CCDC50: variants seen among roughly 807,000 people sequenced by gnomAD.
CCDC50 encodes the protein coiled-coil domain containing 50.
Under a neutral mutation model 70.2 loss-of-function variants are expected in CCDC50, and 54 were observed. That is an observed-to-expected ratio of 0.77 (90% CI 0.62 to 0.96). CCDC50 has a LOEUF of 0.96. Among genes scored for constraint, CCDC50 ranks in the 50% least tolerant of loss-of-function variants. The pLI, the probability that CCDC50 is intolerant of heterozygous loss-of-function variation, is 0.00. For synonymous variants in CCDC50, 216 were observed against 198.8 expected (o/e 1.09, Z -0.73); for missense variants, 558 against 578.7 (o/e 0.96, Z 0.37).
chr3:191,330,525 A>G (rs1382558574), intron 1 of CCDC50: 1 of 152,020 alleles, frequency 6.6e-6, no homozygotes, highest in African/African-American at 2.4e-5. Context: ...GGATCGCCTT[A>G]TGCCTTGAGT....
rs1385017379 is a variant in CCDC50, at chr3:191,394,509, A to C, written c.*2749A>C. 3 of 152,130 alleles carry C rather than the reference A, an allele frequency of 2.0e-5. No homozygotes were observed. Among genetic ancestry groups the C allele is most frequent in the African/African-American group, 7.2e-5 (3 of 41,444 alleles). 9.4% of individuals were successfully genotyped at this position (152,130 alleles called of 1,614,324 possible). A position where few individuals can be genotyped will look rare whatever the true frequency, so the allele number is the denominator to read the frequency against. On this transcript the variant is annotated 3_prime_UTR_variant, in exon 12 of 12. Transcript: ENST00000392455. ...GTTGTTGTTCCTGCTGCTAGAACAC[A>C]TGCAGTTTAATTTTTAGGCCCACAG...
At chr3:191,374,283 A>G (rs1435059) in intron 5 of CCDC50, among the ~76,000 whole-genome samples, 82,444 of 152,004 alleles carry the variant, frequency 0.54, 23,256 homozygotes, top group East Asian at 0.7. Context: ...ATTTTTCTAC[A>G]AAGAATACAA....
intron 1 of CCDC50, among the ~76,000 whole-genome samples, chr3:191,339,989 C>G (rs143558297): frequency 6.6e-6 from 1 of 152,250 alleles, no homozygotes; most frequent in East Asian, 1.9e-4. Context: ...TGAAAGTTAG[C>G]ATGGCAATTA....
chr3:191,339,338 C>G (rs1711630482), intron 1 of CCDC50, among the ~76,000 whole-genome samples: 1 of 152,110 alleles, frequency 6.6e-6, no homozygotes, highest in Non-Finnish European at 1.5e-5. Context: ...CAAATGTATC[C>G]TTCAAGGGAG....
rs548676868 is a variant in CCDC50 at position 191,359,341 on chromosome 3, G to A, written c.239+1217G>A. ...GGAATCAATCTCACGTTAGCTGCAAGAAGTTCAGTGTTGCTGGAGTGGAGA... is the reference window on the plus strand; with the variant it reads ...GGAATCAATCTCACGTTAGCTGCAAAAAGTTCAGTGTTGCTGGAGTGGAGA... On this transcript the variant is annotated intron_variant, in intron 3 of 11. Coordinates refer to ENST00000392455, the MANE Select transcript of CCDC50 (RefSeq NM_178335.3). Among the ~76,000 whole-genome samples, 23 of 152,320 alleles carry A rather than the reference G, an allele frequency of 1.5e-4. No homozygotes were observed. The East Asian group carries it at 4.2e-3, about 28-fold the overall frequency.
rs113570154 is a variant in CCDC50 at position 191,344,571 on chromosome 3, TTTTG to T, written c.50-12497_50-12494del. On this transcript the variant is annotated intron_variant, in intron 1 of 11. Coordinates refer to ENST00000392455, the MANE Select transcript of CCDC50 (RefSeq NM_178335.3). ...GGTTCAGCTTAAGGATGTCATTTCC[TTTTG>T]TTTGTTTGTTTGTTTGTTTTGGAGA... Among the ~76,000 whole-genome samples, 1,273 of 152,210 alleles carry T rather than the reference TTTTG, an allele frequency of 8.4e-3. 13 individuals carry two copies. Among genetic ancestry groups the T allele is most frequent in the Middle Eastern group, 0.034 (10 of 294 alleles).
intron 1 of CCDC50, among the ~76,000 whole-genome samples, chr3:191,347,961 T>TA (rs879675637): frequency 7.0e-6 from 1 of 142,490 alleles, no homozygotes; most frequent in Non-Finnish European, 1.6e-5. Context: ...GGCACTGGGA[T>TA]AAATGTTGGA....
intron 9 of CCDC50, among the ~76,000 whole-genome samples, chr3:191,381,972 T>C (rs371604094): frequency 1.3e-5 from 2 of 152,162 alleles, no homozygotes; most frequent in Admixed American, 1.3e-4. Flanking sequence ...GAATGTATTA[T>C]TCTCATATTA....
At position 191,391,405 on chromosome 3, in the gene CCDC50, T is replaced by C. The variant is rs998424886; in HGVS notation, c.1430-336T>C. Among the ~76,000 whole-genome samples the C allele has an allele frequency of 3.9e-5, 6 of 152,050 alleles. No homozygotes were observed. The South Asian group carries it at 1.0e-3, about 26-fold the overall frequency. On this transcript the variant is annotated intron_variant, in intron 11 of 11. Coordinates refer to ENST00000392455, the MANE Select transcript of CCDC50 (RefSeq NM_178335.3). Reference sequence around the variant, plus strand: ...AAAAGGCATTATTTTAAAAGTAAGGTTAGTTGGACATTATAAACATCTTCA... The same window carrying C: ...AAAAGGCATTATTTTAAAAGTAAGGCTAGTTGGACATTATAAACATCTTCA...
intron 10 of CCDC50, among the ~76,000 whole-genome samples, chr3:191,387,432 A>G (rs1713534595): frequency 6.6e-6 from 1 of 152,178 alleles, no homozygotes; most frequent in Non-Finnish European, 1.5e-5. Context: ...TAACTTGGAT[A>G]TATATGCTGT....
At chr3:191,385,843 G>A (rs1464192289) in intron 10 of CCDC50, among the ~76,000 whole-genome samples, 1 of 152,018 alleles carries the variant, frequency 6.6e-6, no homozygotes, top group East Asian at 1.9e-4. Flanking sequence ...TCTGCATATG[G>A]TCAGCCAGTT....
intron 5 of CCDC50, 40 bp downstream of exon 5, chr3:191,370,076 T>G: frequency 7.2e-7 from 1 of 1,389,998 alleles, no homozygotes; most frequent in Non-Finnish European, 1.0e-6. Context: ...ATCCTTAGAC[T>G]CAACCATAAA....
chr3:191,345,748 AT>A lies in CCDC50; in HGVS notation c.50-11339del, dbSNP rs749178353. The stretch of plus-strand genomic sequence containing the variant: ...TGAATTTAGGGGATTAGAAAAAAAA[AT>A]AACTCAGGAACATACTTTGATAAAT... On this transcript the variant is annotated intron_variant, in intron 1 of 11. Transcript: ENST00000392455. Among the ~76,000 whole-genome samples the A allele has an allele frequency of 1.3e-4, 20 of 152,174 alleles. No individual in the cohort carries two copies. The Middle Eastern group carries it at 0.01, about 78-fold the overall frequency.
rs552812594 is a variant in CCDC50 at position 191,329,626 on chromosome 3, G to A, written c.-49G>A. 6.3e-7 allele frequency: 1 copy of A among 1,582,028 alleles called. No homozygotes were observed. Among genetic ancestry groups the A allele is most frequent in the Admixed American group, 1.8e-5 (1 of 55,314 alleles). On this transcript the variant is annotated 5_prime_UTR_variant, in exon 1 of 12. Coordinates refer to ENST00000392455, the MANE Select transcript of CCDC50 (RefSeq NM_178335.3). Reference sequence around the variant, plus strand: ...GCTCGGGGCCCCGCTCGGCGCCGGCGGTGACCGGGAAGCCCGCGTTAAAGG... The same window carrying A: ...GCTCGGGGCCCCGCTCGGCGCCGGCAGTGACCGGGAAGCCCGCGTTAAAGG...
chr3:191,368,137 A>G (rs904405769), intron 4 of CCDC50, among the ~76,000 whole-genome samples: 4 of 152,064 alleles, frequency 2.6e-5, no homozygotes, highest in South Asian at 2.1e-4. Context: ...AGTAGTGACT[A>G]TTTCTCTCCC....
chr3:191,332,819 A>G (rs1014443542), intron 1 of CCDC50, among the ~76,000 whole-genome samples: 1 of 152,220 alleles, frequency 6.6e-6, no homozygotes, highest in Non-Finnish European at 1.5e-5. Context: ...CTGTATCGGT[A>G]AATGAATTGT....
At chr3:191,346,784 T>A (rs1214135771) in intron 1 of CCDC50, among the ~76,000 whole-genome samples, 1 of 152,180 alleles carries the variant, frequency 6.6e-6, no homozygotes, top group Non-Finnish European at 1.5e-5. Context: ...TTCCGGTGGC[T>A]GAAACATTTA....
chr3:191,386,377 A>C (rs1448738406), intron 10 of CCDC50, among the ~76,000 whole-genome samples: 2 of 151,742 alleles, frequency 1.3e-5, no homozygotes, highest in Non-Finnish European at 2.9e-5. Flanking sequence ...GGCACCCACC[A>C]CCACGCCCAG....
In CCDC50 at chr3:191,375,017, A is replaced by G. The variant is rs963964557; in HGVS notation, c.449-45A>G. The stretch of plus-strand genomic sequence containing the variant: ...GTAGTGAGTTCATAACTCTCATTAA[A>G]TTAATCTGCATTTTTATTTTTCACA... On this transcript the variant is annotated intron_variant, in intron 5 of 11. Transcript: ENST00000392455. The G allele has an allele frequency of 1.9e-6, 3 of 1,596,962 alleles. No individual in the cohort carries two copies. In the African/African-American group the frequency reaches 4.0e-5, roughly 21 times the overall value.
Sources: gnomAD v4.1 joint callset for allele counts (sites outside exome capture counted in the v4.1 genomes callset) on GRCh38, gnomAD v4.1.1 for gene constraint, MANE v1.5 for transcripts, NCBI Gene and HGNC (gene_info 2026-07-23, HGNC 2026-07-21) for gene names.